FBN1: variants seen among roughly 807,000 people sequenced by gnomAD.
FBN1 encodes the protein fibrillin-1.
Under a neutral mutation model 365.1 loss-of-function variants are expected in FBN1, and 29 were observed. The ratio of observed to expected loss-of-function variants is 0.08; its 90% CI spans 0.06 to 0.11. The LOEUF (loss-of-function observed/expected upper bound fraction) is 0.11, where lower values mean the gene tolerates loss of function less well. Ranked by LOEUF, FBN1 falls within the 10% of genes least tolerant of loss-of-function variation. The pLI is 1.00. For missense variants in FBN1, 2,476 were observed against 3,703.2 expected, an observed-to-expected ratio of 0.67 and a Z score of 8.60; for synonymous variants, 1,210 against 1,270.5, an observed-to-expected ratio of 0.95 and a Z score of 1.01.
Position 48,426,279 on chromosome 15 carries a change from CT to C in FBN1, c.7205-416del, listed in dbSNP as rs141087432. On this transcript the variant is annotated intron_variant, in intron 58 of 65. Coordinates refer to ENST00000316623, the MANE Select transcript of FBN1 (RefSeq NM_000138.5). ...GATGAGGAAACCCCATTTCCACCCC[CT>C]AGTATTGCATGCTCAAAATAAGTAA... Among the ~76,000 whole-genome samples the C allele has an allele frequency of 5.9e-3, 905 of 152,290 alleles. 10 individuals carry two copies. Among genetic ancestry groups the C allele is most frequent in the African/African-American group, 0.021 (871 of 41,566 alleles).
chr15:48,415,217 T>C (rs993467578), intron 64 of FBN1, among the ~76,000 whole-genome samples: 5 of 152,132 alleles, frequency 3.3e-5, no homozygotes, highest in African/African-American at 7.2e-5. Flanking sequence ...AGTTCTGTCA[T>C]GGGTTGGCAG....
intron 62 of FBN1, 31 bp downstream of exon 62, chr15:48,421,527 C>T: frequency 6.2e-7 from 1 of 1,608,152 alleles, no homozygotes. Context: ...AAGGATTCAC[C>T]AGCTGGATCG....
At chr15:48,519,034 C>G (rs929330173) in intron 10 of FBN1, among the ~76,000 whole-genome samples, 11 of 152,136 alleles carry the variant, frequency 7.2e-5, no homozygotes, top group African/African-American at 2.7e-4. Flanking sequence ...CTGCTCTAGT[C>G]CTCTTCTCTA....
chr15:48,412,248 C>T (rs367765763), intron 65 of FBN1, among the ~76,000 whole-genome samples: 5 of 152,220 alleles, frequency 3.3e-5, no homozygotes, highest in East Asian at 3.8e-4. Context: ...TATGTCACTT[C>T]GCTATTCTGC....
intron 53 of FBN1, among the ~76,000 whole-genome samples, chr15:48,435,063 C>CCCACCT (rs2043055582): frequency 6.6e-6 from 1 of 152,090 alleles, no homozygotes; most frequent in Non-Finnish European, 1.5e-5. Flanking sequence ...TCCCAAAGTG[C>CCCACCT]TGAGATTAAA....
chr15:48,598,035 T>C (rs1400892552), intron 5 of FBN1, among the ~76,000 whole-genome samples: 2 of 152,204 alleles, frequency 1.3e-5, no homozygotes, highest in Non-Finnish European at 2.9e-5. Flanking sequence ...TCCACAGCCA[T>C]AGCCTTAGTT....
chr15:48,560,074 T>C (rs1406398144), intron 6 of FBN1, among the ~76,000 whole-genome samples: 1 of 152,192 alleles, frequency 6.6e-6, no homozygotes, highest in Non-Finnish European at 1.5e-5. Context: ...CGACTCAAAT[T>C]GCTACTGCAT....
At chr15:48,471,682 T>A (rs1180974505) in intron 35 of FBN1, among the ~76,000 whole-genome samples, 1 of 152,262 alleles carries the variant, frequency 6.6e-6, no homozygotes, top group Non-Finnish European at 1.5e-5. Flanking sequence ...TCATAGCTAA[T>A]GACTGATTTT....
chr15:48,513,412 G>T, intron 13 of FBN1, 137 bp downstream of exon 13: 1 of 1,152,696 alleles, frequency 8.7e-7, no homozygotes, highest in Non-Finnish European at 1.3e-6. Context: ...ACAATAGGTG[G>T]AACTAAGTTC....
chr15:48,503,893 C>G lies in FBN1; in HGVS notation c.2007G>C (p.Gln669His). Residue 669 changes from glutamine (Q) to histidine (H), a missense_variant, in exon 17 of 66, where the codon CAG becomes CAC. Coordinates refer to ENST00000316623, the MANE Select transcript of FBN1 (RefSeq NM_000138.5). ...CAGCACCAAACAAAGGTTTGATACACTGGCCTCTCTTGTATCCACCATAGC... is the reference window on the plus strand; with the variant it reads ...CAGCACCAAACAAAGGTTTGATACAGTGGCCTCTCTTGTATCCACCATAGC... ...STCYGGYKRG[Q>H]CIKPLFGAVT... 6.2e-7 allele frequency: 1 copy of G among 1,614,212 alleles called. No homozygotes were observed. The highest frequency in any genetic ancestry group is 1.7e-5 in the Admixed American group (1 of 60,028).
At chr15:48,466,712 AT>A (rs1450733371) in intron 38 of FBN1, among the ~76,000 whole-genome samples, 10 of 152,030 alleles carry the variant, frequency 6.6e-5, no homozygotes, top group Non-Finnish European at 1.3e-4. Flanking sequence ...GTGGATATCT[AT>A]TGTTTTGCTA....
At chr15:48,434,820 CAG>C (rs1436833242) in intron 53 of FBN1, 107 bp from the exon 54 acceptor site, 7 of 1,380,094 alleles carry the variant, frequency 5.1e-6, no homozygotes, top group Non-Finnish European at 6.0e-6. Flanking sequence ...TGTTTTGAGA[CAG>C]AGTCTCACTT....
intron 64 of FBN1, among the ~76,000 whole-genome samples, chr15:48,413,582 A>G (rs751541778): frequency 2.6e-5 from 4 of 152,192 alleles, no homozygotes; most frequent in Non-Finnish European, 4.4e-5. Context: ...GCCACTTGGA[A>G]TGTGTATTTA....
intron 5 of FBN1, among the ~76,000 whole-genome samples, chr15:48,598,819 G>A (rs948951999): frequency 1.3e-5 from 2 of 152,210 alleles, no homozygotes; most frequent in Non-Finnish European, 2.9e-5. Flanking sequence ...CAGTTTGGCT[G>A]TGTCACCACC....
intron 2 of FBN1, among the ~76,000 whole-genome samples, chr15:48,638,350 A>C (rs962961139): frequency 3.3e-4 from 51 of 152,330 alleles, no homozygotes; most frequent in African/African-American, 1.2e-3. Context: ...GAAGGTATAA[A>C]AGGTATGAAA....
chr15:48,555,731 T>A (rs2044174752), intron 6 of FBN1, among the ~76,000 whole-genome samples: 1 of 152,150 alleles, frequency 6.6e-6, no homozygotes, highest in African/African-American at 2.4e-5. Context: ...TAAACCAAAC[T>A]GTTAACTAGG....
intron 6 of FBN1, among the ~76,000 whole-genome samples, chr15:48,565,487 T>C (rs2044253287): frequency 6.6e-6 from 1 of 152,080 alleles, no homozygotes; most frequent in Admixed American, 6.5e-5. Context: ...AATCATGTGT[T>C]AGTTAATTAA....
intron 8 of FBN1, among the ~76,000 whole-genome samples, chr15:48,531,148 C>A (rs1027891021): frequency 2.0e-5 from 3 of 152,182 alleles, no homozygotes; most frequent in Admixed American, 6.5e-5. Flanking sequence ...TCAATCTTTT[C>A]CTTCTTAAAT....
At chr15:48,464,083 T>C in intron 40 of FBN1, 62 bp from the exon 41 acceptor site, 1 of 1,526,632 alleles carries the variant, frequency 6.6e-7, no homozygotes, top group Non-Finnish European at 9.1e-7. Context: ...AATGGCCTGA[T>C]ACTTAATGAA....
Sources: gnomAD v4.1 joint callset for allele counts (sites outside exome capture counted in the v4.1 genomes callset) on GRCh38, gnomAD v4.1.1 for gene constraint, MANE v1.5 for transcripts, NCBI Gene and HGNC (gene_info 2026-07-23, HGNC 2026-07-21) for gene names.